Variants in CDH13 observed in about 807,000 individuals in gnomAD.
CDH13 encodes the protein cadherin-13.
A neutral mutation model predicts 63.8 loss-of-function variants in CDH13; 24 were observed. That is an observed-to-expected ratio of 0.38 (90% CI 0.27 to 0.53). The LOEUF (loss-of-function observed/expected upper bound fraction) is 0.53. Among genes scored for constraint, CDH13 ranks in the 20% least tolerant of loss-of-function variants. The pLI, the probability that CDH13 is intolerant of heterozygous loss-of-function variation, is 0.85. For missense variants in CDH13, 1,049 were observed against 903.1 expected (o/e 1.16, Z -2.07); for synonymous variants, 503 against 355.3 (o/e 1.42, Z -4.67).
At chr16:83,005,972 C>G (rs1913448043) in intron 2 of CDH13, among the ~76,000 whole-genome samples, 2 of 152,240 alleles carry the variant, frequency 1.3e-5, no homozygotes, top group South Asian at 4.1e-4. Flanking sequence ...TTTAATGTTG[C>G]AAAAGTCCTT....
intron 6 of CDH13, among the ~76,000 whole-genome samples, chr16:83,439,484 C>A (rs2072420793): frequency 6.6e-6 from 1 of 152,168 alleles, no homozygotes; most frequent in Non-Finnish European, 1.5e-5. Flanking sequence ...AAAACTGAAC[C>A]ATTTCTCTGA....
chr16:83,338,265 A>G (rs2090644597), intron 5 of CDH13, among the ~76,000 whole-genome samples: 1 of 152,126 alleles, frequency 6.6e-6, no homozygotes, highest in South Asian at 2.1e-4. Flanking sequence ...TCATCATTTA[A>G]GGCTACAGAG....
Position 82,627,034 on chromosome 16 carries a change from T to C in CDH13, c.-59T>C, listed in dbSNP as rs1437575528. The C allele has an allele frequency of 6.4e-6, 10 of 1,557,398 alleles. No individual in the cohort carries two copies. In the African/African-American group the frequency reaches 8.2e-5, roughly 13 times the overall value. ...CAAAGCCTGGCTCCCACGGAAAATA[T>C]GCTCAGTGCAGCCGCGTGCATGAAT... On this transcript the variant is annotated 5_prime_UTR_variant, in exon 1 of 14. The change abolishes an upstream ATG in the 5' untranslated region. Coordinates refer to ENST00000567109, the MANE Select transcript of CDH13 (RefSeq NM_001257.5).
At chr16:83,028,435 G>A (rs553274783) in intron 2 of CDH13, among the ~76,000 whole-genome samples, 9 of 152,238 alleles carry the variant, frequency 5.9e-5, no homozygotes, top group Non-Finnish European at 1.2e-4. Flanking sequence ...TTTGCAGAGC[G>A]ATCAAAAGGC....
At chr16:83,569,152 G>GCACATGCTCTTCCTTCAGC (rs1904339323) in intron 7 of CDH13, among the ~76,000 whole-genome samples, 1 of 152,044 alleles carries the variant, frequency 6.6e-6, no homozygotes, top group South Asian at 2.1e-4. Context: ...TGCCCTCTGT[G>GCACATGCTCTTCCTTCAGC]CTTTGCACAT....
At chr16:82,963,894 G>T (rs148318906) in intron 2 of CDH13, among the ~76,000 whole-genome samples, 1 of 152,170 alleles carries the variant, frequency 6.6e-6, no homozygotes, top group Non-Finnish European at 1.5e-5. Flanking sequence ...AGCCAGGTCG[G>T]AGAATAGAGA....
chr16:83,095,814 C>G (rs1047964971), intron 3 of CDH13, among the ~76,000 whole-genome samples: 1 of 152,156 alleles, frequency 6.6e-6, no homozygotes, highest in Admixed American at 6.5e-5. Context: ...ACCACATAGA[C>G]TCCAGAATGT....
At chr16:83,425,803 CCTTT>C (rs1286735095) in intron 6 of CDH13, among the ~76,000 whole-genome samples, 18 of 152,134 alleles carry the variant, frequency 1.2e-4, no homozygotes, top group East Asian at 3.9e-4. Flanking sequence ...TCCTTTACTT[CCTTT>C]CTTTTTTTCT....
chr16:82,991,565 C>T (rs949746568), intron 2 of CDH13, among the ~76,000 whole-genome samples: 1 of 152,142 alleles, frequency 6.6e-6, no homozygotes, highest in Non-Finnish European at 1.5e-5. Context: ...TGCAATCCCT[C>T]ATCTCACGGC....
In CDH13 at chr16:82,764,639, A is replaced by G. The variant is rs564573699; in HGVS notation, c.46-93723A>G. Among the ~76,000 whole-genome samples, 15 of 152,350 alleles carry G rather than the reference A, an allele frequency of 9.8e-5. No individual in the cohort carries two copies. In the East Asian group the frequency reaches 2.5e-3, roughly 25 times the overall value. ...ATGCCTGGCCCACAGTAGGTGCTCA[A>G]TAAACGTGTGTTGAATAATACATGA... On this transcript the variant is annotated intron_variant, in intron 1 of 13. Coordinates refer to ENST00000567109, the MANE Select transcript of CDH13 (RefSeq NM_001257.5).
chr16:83,046,283 C>T (rs985122865), intron 3 of CDH13, among the ~76,000 whole-genome samples: 16 of 152,112 alleles, frequency 1.1e-4, no homozygotes, highest in Non-Finnish European at 2.4e-4. Flanking sequence ...TTCTATCTTT[C>T]TTAATTAGGT....
chr16:83,027,109 C>T (rs565155705), intron 2 of CDH13, among the ~76,000 whole-genome samples: 3 of 143,000 alleles, frequency 2.1e-5, no homozygotes, highest in East Asian at 2.1e-4. Context: ...GAGACCCCCC[C>T]CCCCCACCGC....
At chr16:83,322,530 G>A (rs1279957149) in intron 5 of CDH13, among the ~76,000 whole-genome samples, 1 of 152,110 alleles carries the variant, frequency 6.6e-6, no homozygotes, top group Non-Finnish European at 1.5e-5. Context: ...GGGAGACAGA[G>A]ACAAAGCCAT....
intron 6 of CDH13, among the ~76,000 whole-genome samples, chr16:83,402,314 C>G (rs2091981004): frequency 6.6e-6 from 1 of 152,144 alleles, no homozygotes; most frequent in Non-Finnish European, 1.5e-5. Context: ...CTCATCCTCA[C>G]CAATTATTGG....
chr16:82,739,108 A>G (rs917895558), intron 1 of CDH13, among the ~76,000 whole-genome samples: 1 of 152,200 alleles, frequency 6.6e-6, no homozygotes, highest in African/African-American at 2.4e-5. Context: ...TCTCATAGTC[A>G]CTCATCATTC....
intron 1 of CDH13, among the ~76,000 whole-genome samples, chr16:82,752,192 A>G (rs1473542831): frequency 6.6e-6 from 1 of 152,242 alleles, no homozygotes; most frequent in Non-Finnish European, 1.5e-5. Context: ...TCTTCTCATT[A>G]TGTAAATAGG....
chr16:83,738,759 A>G (rs751193417), intron 10 of CDH13, among the ~76,000 whole-genome samples: 16 of 152,198 alleles, frequency 1.1e-4, no homozygotes, highest in Admixed American at 4.6e-4. Context: ...TACAAAAATT[A>G]GCCGGGCATG....
At chr16:83,516,692 C>T (rs948441305) in intron 7 of CDH13, among the ~76,000 whole-genome samples, 2 of 152,170 alleles carry the variant, frequency 1.3e-5, no homozygotes, top group African/African-American at 2.4e-5. Flanking sequence ...TACTCTCTTC[C>T]AGGCACAGTA....
intron 6 of CDH13, among the ~76,000 whole-genome samples, chr16:83,411,622 A>C (rs1449385900): frequency 6.6e-6 from 1 of 152,206 alleles, no homozygotes; most frequent in Non-Finnish European, 1.5e-5. Context: ...GTGATGGCTC[A>C]AATAACCTAT....
Sources: allele counts gnomAD v4.1 joint callset (sites outside exome capture counted in the v4.1 genomes callset), GRCh38; gene constraint gnomAD v4.1.1; transcripts MANE v1.5; gene names NCBI Gene and HGNC (gene_info 2026-07-23, HGNC 2026-07-21).